Variants in MYT1L observed in about 807,000 individuals in gnomAD.
The protein encoded by MYT1L is myelin transcription factor 1-like protein.
In MYT1L, 12 loss-of-function variants were observed where a neutral mutation model predicts 126.7. The ratio of observed to expected loss-of-function variants is 0.09; its 90% CI spans 0.06 to 0.15. The LOEUF (loss-of-function observed/expected upper bound fraction) is 0.15, where lower values mean the gene tolerates loss of function less well. MYT1L is among the 10% of genes least tolerant of loss of function. The pLI is 1.00. For synonymous variants in MYT1L, 541 were observed against 604.2 expected (o/e 0.90, Z 1.53); for missense variants, 979 against 1,585.2 (o/e 0.62, Z 6.49).
intron 18 of MYT1L, among the ~76,000 whole-genome samples, chr2:1,866,274 G>A (rs1217525534): frequency 6.6e-6 from 1 of 152,136 alleles, no homozygotes; most frequent in Admixed American, 6.5e-5. Context: ...ACCATGGGGT[G>A]TTGTGAGTGG....
At chr2:1,797,635 C>T (rs1004461367) in intron 23 of MYT1L, among the ~76,000 whole-genome samples, 2 of 152,210 alleles carry the variant, frequency 1.3e-5, no homozygotes, top group African/African-American at 4.8e-5. Flanking sequence ...TTGTGTTGGT[C>T]GCACTAATTG....
intron 2 of MYT1L, among the ~76,000 whole-genome samples, chr2:2,269,642 G>C (rs1573000306): frequency 6.6e-6 from 1 of 152,088 alleles, no homozygotes; most frequent in Non-Finnish European, 1.5e-5. Flanking sequence ...TCTGCCATTG[G>C]TGAGCCCAGT....
At chr2:2,231,752 A>AACC (rs918026817) in intron 2 of MYT1L, among the ~76,000 whole-genome samples, 3 of 152,114 alleles carry the variant, frequency 2.0e-5, no homozygotes, top group Admixed American at 1.3e-4. Context: ...CCTAGCCAAA[A>AACC]ACCAATTTTT....
intron 1 of MYT1L, among the ~76,000 whole-genome samples, chr2:2,299,892 G>A (rs565013031): frequency 5.9e-5 from 9 of 152,124 alleles, no homozygotes; most frequent in South Asian, 2.1e-4. Context: ...ATCATCTTCC[G>A]GCAGCCTACT....
rs551334353 is a variant in MYT1L, at chr2:1,959,238, C to A, written c.153-15904G>T. Among the ~76,000 whole-genome samples, 414 of 152,320 alleles carry A rather than the reference C, an allele frequency of 2.7e-3. 5 individuals are homozygous for A. The highest frequency in any genetic ancestry group is 5.0e-3 in the Non-Finnish European group (337 of 68,034). ...GCGGATCTGCTCTTTCCAGATCATG[C>A]TCCTGGGCTTCCTGGTCCACGTGCC... On this transcript the variant is annotated intron_variant, in intron 8 of 24. Transcript: ENST00000647738.
chr2:2,152,100 T>A (rs570659927), intron 3 of MYT1L, among the ~76,000 whole-genome samples: 8 of 152,188 alleles, frequency 5.3e-5, no homozygotes, highest in Non-Finnish European at 1.2e-4. Context: ...AGCACAACTA[T>A]AATAACATGC....
At chr2:1,915,730 G>A (rs1245860622) in intron 11 of MYT1L, among the ~76,000 whole-genome samples, 6 of 152,120 alleles carry the variant, frequency 3.9e-5, no homozygotes, top group Non-Finnish European at 8.8e-5. Flanking sequence ...GAGGTCAGTC[G>A]GATACGGATT....
chr2:1,911,505 T>A (rs961064923), intron 12 of MYT1L, among the ~76,000 whole-genome samples: 1 of 152,136 alleles, frequency 6.6e-6, no homozygotes, highest in Non-Finnish European at 1.5e-5. Context: ...TCTGAGTCCA[T>A]TGGTTAGCAG....
chr2:1,829,758 CTCCCATACACCTGTGAATTGACCT>C (rs2039884250), intron 21 of MYT1L, among the ~76,000 whole-genome samples: 3 of 88,426 alleles, frequency 3.4e-5, no homozygotes, highest in Non-Finnish European at 6.3e-5. Context: ...TGAATTGACC[CTCCCATACACCTGTGAATTGACCT>C]TCCCATACAC....
intron 3 of MYT1L, among the ~76,000 whole-genome samples, chr2:2,118,230 C>G (rs1167794272): frequency 6.6e-6 from 1 of 151,906 alleles, no homozygotes; most frequent in African/African-American, 2.4e-5. Context: ...GGGAAACTGA[C>G]AGGCTCCTCC....
intron 21 of MYT1L, among the ~76,000 whole-genome samples, chr2:1,812,875 C>CAAAAAAA (rs33917296): frequency 1.2e-4 from 7 of 59,788 alleles, no homozygotes; most frequent in African/African-American, 4.3e-4. Flanking sequence ...GACTCCGTCT[C>CAAAAAAA]AAAAAAAAAA....
intron 3 of MYT1L, among the ~76,000 whole-genome samples, chr2:2,109,410 G>A (rs932037974): frequency 6.6e-6 from 1 of 152,206 alleles, no homozygotes; most frequent in East Asian, 1.9e-4. Context: ...GAGCCGGATG[G>A]GCGCCAGAGG....
intron 2 of MYT1L, among the ~76,000 whole-genome samples, chr2:2,268,991 A>G (rs1382568977): frequency 6.6e-6 from 1 of 152,088 alleles, no homozygotes. Flanking sequence ...ACATTATTAT[A>G]TGGTGCACCC....
intron 21 of MYT1L, among the ~76,000 whole-genome samples, chr2:1,836,151 C>T (rs74505778): frequency 0.055 from 8,332 of 152,118 alleles, 250 homozygotes; most frequent in South Asian, 0.099. Flanking sequence ...GCAAATTCTC[C>T]GAGTAACATG....
chr2:2,066,631 G>A (rs963680029), intron 3 of MYT1L, among the ~76,000 whole-genome samples: 1 of 152,188 alleles, frequency 6.6e-6, no homozygotes, highest in Non-Finnish European at 1.5e-5. Context: ...AACAGGGGTG[G>A]GGCATGGGGA....
At chr2:2,084,481 G>T (rs995494766) in intron 3 of MYT1L, among the ~76,000 whole-genome samples, 1 of 152,212 alleles carries the variant, frequency 6.6e-6, no homozygotes, top group East Asian at 1.9e-4. Flanking sequence ...TGCCCCTTGT[G>T]TTTGCTTTGA....
rs1392201580 is a variant in MYT1L, at chr2:2,059,839, G to T, written c.-303-5716C>A. On this transcript the variant is annotated intron_variant, in intron 3 of 24. Coordinates refer to ENST00000647738, the MANE Select transcript of MYT1L (RefSeq NM_001303052.2). This position sits in a 1 kb window ranked among gnomAD's most constrained non-coding sequence, Gnocchi z 4.7. ...TTTCCTAGAAAGAGTTTTGTAGGAA[G>T]CTTTGGAGGCTGCAACACATCTTGT... 1.2e-4 allele frequency among the ~76,000 whole-genome samples: 18 copies of T among 152,136 alleles called. No individual in the cohort carries two copies. The highest frequency in any genetic ancestry group is 1.2e-3 in the Admixed American group (18 of 15,272).
intron 3 of MYT1L, among the ~76,000 whole-genome samples, chr2:2,107,657 A>G (rs2078916417): frequency 6.6e-6 from 1 of 152,160 alleles, no homozygotes; most frequent in African/African-American, 2.4e-5. Context: ...CTTGGCAATA[A>G]TGACAACAAA....
intron 3 of MYT1L, among the ~76,000 whole-genome samples, chr2:2,149,641 TTC>T (rs1461390332): frequency 6.6e-6 from 1 of 152,172 alleles, no homozygotes; most frequent in Non-Finnish European, 1.5e-5. Context: ...CCATACAGGG[TTC>T]TTTCCAGGGC....
Sources: gnomAD v4.1 joint callset for allele counts (sites outside exome capture counted in the v4.1 genomes callset) on GRCh38, gnomAD v4.1.1 for gene constraint, Gnocchi (gnomAD v3.1) non-coding constraint, MANE v1.5 for transcripts, NCBI Gene and HGNC (gene_info 2026-07-23, HGNC 2026-07-21) for gene names.